The following MID1 variants were observed in gnomAD, a reference collection of about 807,000 sequenced individuals.
The protein encoded by MID1 is E3 ubiquitin-protein ligase Midline-1.
In MID1, 7 loss-of-function variants were observed where a neutral mutation model predicts 40.4. The observed-to-expected ratio is 0.17, with a 90% confidence interval of 0.10 to 0.33. MID1 has a LOEUF of 0.33. Among genes scored for constraint, MID1 ranks in the 10% least tolerant of loss-of-function variants. MID1 has a pLI of 1.00. For missense variants in MID1, 367 were observed against 558.5 expected (o/e 0.66, Z 3.46); for synonymous variants, 229 against 221.2 (o/e 1.04, Z -0.31).
intron 2 of MID1, among the ~76,000 whole-genome samples, chrX:10,524,470 T>C (rs946276014): frequency 8.9e-6 from 1 of 112,293 alleles, no homozygotes; most frequent in African/African-American, 3.2e-5. Flanking sequence ...TGGGCTGCAT[T>C]CAAAGCGCTT....
At chrX:10,606,250 A>C (rs185222789) in intron 1 of MID1, among the ~76,000 whole-genome samples, 2,671 of 111,058 alleles carry the variant, frequency 0.024, 97 homozygotes, top group African/African-American at 0.083. Context: ...GTATTTCAAA[A>C]AATAACTATT....
At chrX:10,786,591 G>A (rs1226055792) in intron 1 of MID1, among the ~76,000 whole-genome samples, 1 of 110,863 alleles carries the variant, frequency 9.0e-6, no homozygotes, top group African/African-American at 3.3e-5. Context: ...ATGATAGACT[G>A]GATGAAAAAA....
At chrX:10,654,389 G>A (rs187272552) in intron 1 of MID1, among the ~76,000 whole-genome samples, 28 of 111,777 alleles carry the variant, frequency 2.5e-4, no homozygotes, top group Non-Finnish European at 4.7e-4. Context: ...CCCTTTTGGC[G>A]CCAGGGACCG....
At chrX:10,626,057 C>A (rs1168443724) in intron 1 of MID1, among the ~76,000 whole-genome samples, 1 of 110,349 alleles carries the variant, frequency 9.1e-6, no homozygotes, top group Non-Finnish European at 1.9e-5. Context: ...TAAATATAAG[C>A]AATATGTGAG....
chrX:10,636,178 T>C (rs760228234), intron 1 of MID1, among the ~76,000 whole-genome samples: 1 of 111,823 alleles, frequency 8.9e-6, no homozygotes, highest in Admixed American at 9.5e-5. Flanking sequence ...GGAATAAAGA[T>C]TTAAAACCCT....
Position 10,643,253 on chromosome X carries a change from A to C in MID1, c.-186-22834T>G, listed in dbSNP as rs367980609. Among the ~76,000 whole-genome samples the C allele has an allele frequency of 1.2e-4, 13 of 111,387 alleles. No homozygotes were observed. In the East Asian group the frequency reaches 3.7e-3, roughly 31 times the overall value. ...ACCTACAGAATGGGAGAAAATTTTTACAATCTACCCATCTGACAAAGGGCT... is the reference window on the plus strand; with the variant it reads ...ACCTACAGAATGGGAGAAAATTTTTCCAATCTACCCATCTGACAAAGGGCT... On this transcript the variant is annotated intron_variant, in intron 1 of 10. Transcript: ENST00000380785.
intron 1 of MID1, among the ~76,000 whole-genome samples, chrX:10,712,232 T>G (rs985691981): frequency 1.8e-5 from 2 of 110,942 alleles, no homozygotes; most frequent in Non-Finnish European, 3.8e-5. Flanking sequence ...AAATGATACC[T>G]GGTCACAACT....
In MID1 at chrX:10,567,278, T is replaced by C. The variant is rs1270126493; in HGVS notation, c.270A>G (p.Ser90=). 1 of 1,200,708 alleles carries C rather than the reference T, an allele frequency of 8.3e-7. No homozygotes were observed. Among genetic ancestry groups the C allele is most frequent in the Non-Finnish European group, 1.1e-6 (1 of 889,674 alleles). ...QNIIDRFQKA[S]VSGPNSPSET... ...CGCTGGGAGAGTTGGGCCCGCTCACTGATGCTTTCTGGAACCTGTCGATGA... is the reference window on the plus strand; with the variant it reads ...CGCTGGGAGAGTTGGGCCCGCTCACCGATGCTTTCTGGAACCTGTCGATGA... The change falls in exon 2 of 10, where the codon TCA becomes TCG. Residue 90 remains serine (S), a synonymous_variant. Coordinates refer to ENST00000317552, the MANE Select transcript of MID1 (RefSeq NM_000381.4).
At position 10,612,462 on chromosome X, in the gene MID1, C is replaced by A. The variant is rs189272874; in HGVS notation, c.-57+7828G>T. Among the ~76,000 whole-genome samples the A allele has an allele frequency of 1.3e-3, 144 of 112,278 alleles. 4 individuals are homozygous for A. In the East Asian group the frequency reaches 0.038, roughly 30 times the overall value. On this transcript the variant is annotated intron_variant, in intron 1 of 9. Coordinates refer to ENST00000317552, the MANE Select transcript of MID1 (RefSeq NM_000381.4). ...ACCTTCCTGCACTATTTCCTCAAAG[C>A]ACAGCTGATTAATTCATGGGCTAAA...
At chrX:10,629,153 T>C (rs115430349) in intron 1 of MID1, among the ~76,000 whole-genome samples, 2,505 of 111,479 alleles carry the variant, frequency 0.022, 69 homozygotes, top group African/African-American at 0.075. Context: ...ACCTTCAAGA[T>C]GAGTCAGGAA....
At chrX:10,652,346 TG>T (rs199980368) in intron 1 of MID1, among the ~76,000 whole-genome samples, 1,338 of 111,492 alleles carry the variant, frequency 0.012, 16 homozygotes, top group African/African-American at 0.041. Flanking sequence ...CATGGTTTTT[TG>T]TTGTTGTTGT....
intron 1 of MID1, among the ~76,000 whole-genome samples, chrX:10,752,111 G>T (rs1454021337): frequency 9.0e-6 from 1 of 111,318 alleles, no homozygotes; most frequent in Non-Finnish European, 1.9e-5. Flanking sequence ...AGAACTGTGA[G>T]CCTAAATACA....
intron 1 of MID1, among the ~76,000 whole-genome samples, chrX:10,600,396 C>G (rs779448926): frequency 9.0e-6 from 1 of 111,251 alleles, no homozygotes; most frequent in Non-Finnish European, 1.9e-5. Flanking sequence ...ACATTTATAA[C>G]TTTAATTTTT....
chrX:10,750,624 C>T (rs2043591179), intron 1 of MID1, among the ~76,000 whole-genome samples: 1 of 109,210 alleles, frequency 9.2e-6, no homozygotes, highest in Admixed American at 9.8e-5. Flanking sequence ...GAGTGAGACT[C>T]TGTCTCGAAA....
At chrX:10,452,631 T>C (rs1264018352) in intron 9 of MID1, among the ~76,000 whole-genome samples, 1 of 112,387 alleles carries the variant, frequency 8.9e-6, no homozygotes, top group East Asian at 2.8e-4. Context: ...CATTTAATCG[T>C]AGGGGGTGCC....
chrX:10,786,396 G>A (rs1430212101), intron 1 of MID1, among the ~76,000 whole-genome samples: 1 of 111,065 alleles, frequency 9.0e-6, no homozygotes, highest in Admixed American at 9.6e-5. Flanking sequence ...CAACCATTGT[G>A]GAAGTCAGTG....
intron 1 of MID1, among the ~76,000 whole-genome samples, chrX:10,772,044 C>A (rs907481494): frequency 9.0e-6 from 1 of 110,535 alleles, no homozygotes; most frequent in African/African-American, 3.3e-5. Context: ...TGCTTGCACA[C>A]GCATGTTTAT....
chrX:10,529,095 G>A (rs1473105676), intron 2 of MID1, among the ~76,000 whole-genome samples: 2 of 111,300 alleles, frequency 1.8e-5, no homozygotes, highest in Admixed American at 9.6e-5. Context: ...CCTGGCTCAC[G>A]ATGTGTTGTA....
chrX:10,583,761 G>T (rs143436619), intron 1 of MID1, among the ~76,000 whole-genome samples: 2,381 of 111,687 alleles, frequency 0.021, 27 homozygotes, highest in Non-Finnish European at 0.034. Context: ...GGCCAGGTAC[G>T]GTGGCTCACG....
Sources: allele counts gnomAD v4.1 joint callset (sites outside exome capture counted in the v4.1 genomes callset), GRCh38; gene constraint gnomAD v4.1.1; transcripts MANE v1.5; gene names NCBI Gene and HGNC (gene_info 2026-07-23, HGNC 2026-07-21).